Variants in AFAP1L2 observed in about 807,000 individuals in gnomAD.
AFAP1L2 encodes actin filament-associated protein 1-like 2.
A neutral mutation model predicts 99.3 loss-of-function variants in AFAP1L2; 46 were observed. The ratio of observed to expected loss-of-function variants is 0.46; its 90% CI spans 0.37 to 0.59. The LOEUF (loss-of-function observed/expected upper bound fraction) is 0.59. Ranked by LOEUF, AFAP1L2 falls within the 20% of genes least tolerant of loss-of-function variation. The pLI is 0.00. For synonymous variants in AFAP1L2, 397 were observed against 419.1 expected (o/e 0.95, Z 0.64); for missense variants, 959 against 1,034.9 (o/e 0.93, Z 1.01).
At chr10:114,322,553 A>G (rs2135194847) in intron 5 of AFAP1L2, among the ~76,000 whole-genome samples, 1 of 152,310 alleles carries the variant, frequency 6.6e-6, no homozygotes, top group Admixed American at 6.5e-5. Flanking sequence ...TCATGCTATC[A>G]GAGAAGCCTT....
chr10:114,306,240 C>T (rs1306405476), intron 10 of AFAP1L2, among the ~76,000 whole-genome samples: 4 of 43,462 alleles, frequency 9.2e-5, no homozygotes, highest in Admixed American at 3.3e-4. Flanking sequence ...AGGGGGTGCA[C>T]GTACAGGACT....
chr10:114,344,031 G>A (rs762000537), intron 1 of AFAP1L2, among the ~76,000 whole-genome samples: 18 of 152,228 alleles, frequency 1.2e-4, no homozygotes, highest in Non-Finnish European at 2.4e-4. Flanking sequence ...CTGAGATAAA[G>A]TGAGGAGGGA....
Position 114,316,257 on chromosome 10 carries a change from T to C in AFAP1L2, c.407-492A>G, listed in dbSNP as rs930633634. ...ATCCGTGCTCCACCTGAGCTGTATG[T>C]GAGGCAGGCCTCTGATGGCCGCTGG... On this transcript the variant is annotated intron_variant, in intron 5 of 18. Transcript: ENST00000304129. 2.6e-5 allele frequency among the ~76,000 whole-genome samples: 4 copies of C among 152,344 alleles called. No individual in the cohort carries two copies. In the South Asian group the frequency reaches 8.3e-4, roughly 32 times the overall value.
At chr10:114,328,099 G>A (rs892710962) in intron 4 of AFAP1L2, among the ~76,000 whole-genome samples, 1 of 152,196 alleles carries the variant, frequency 6.6e-6, no homozygotes, top group African/African-American at 2.4e-5. Flanking sequence ...CTCCTGCAAG[G>A]ACCACGGCAC....
At chr10:114,386,997 C>T (rs1178166877) in intron 1 of AFAP1L2, among the ~76,000 whole-genome samples, 1 of 152,224 alleles carries the variant, frequency 6.6e-6, no homozygotes, top group Non-Finnish European at 1.5e-5. Context: ...TCCAAGTGAT[C>T]CTGTATCTAA....
intron 1 of AFAP1L2, among the ~76,000 whole-genome samples, chr10:114,399,400 G>A (rs985685177): frequency 1.3e-5 from 2 of 152,186 alleles, no homozygotes; most frequent in African/African-American, 4.8e-5. Flanking sequence ...GTTTAACTGA[G>A]CAGGTAGTCC....
At chr10:114,362,380 T>A (rs566665216) in intron 1 of AFAP1L2, among the ~76,000 whole-genome samples, 1 of 152,270 alleles carries the variant, frequency 6.6e-6, no homozygotes, top group East Asian at 1.9e-4. Context: ...ATCCTGGGTT[T>A]AGGGAGGGCT....
chr10:114,291,779 G>A (rs920238344), downstream of AFAP1L2, among the ~76,000 whole-genome samples: 1 of 152,220 alleles, frequency 6.6e-6, no homozygotes, highest in Non-Finnish European at 1.5e-5. Context: ...AGTCTGAAAG[G>A]GGGCTTGAGG....
intron 5 of AFAP1L2, among the ~76,000 whole-genome samples, chr10:114,321,341 G>A (rs1024231200): frequency 2.0e-5 from 3 of 151,962 alleles, no homozygotes; most frequent in Non-Finnish European, 2.9e-5. Context: ...CCACTTATAA[G>A]TGAGAACATA....
chr10:114,300,710 T>C lies in AFAP1L2; in HGVS notation c.1543-20A>G, dbSNP rs200489117. On this transcript the variant is annotated intron_variant, in intron 13 of 18. Coordinates refer to ENST00000304129, the MANE Select transcript of AFAP1L2 (RefSeq NM_001001936.3). ...CTCCACCTGCAGGAGAGAGTGAGTC[T>C]GGGGCATTCAACATTACCTCTACTC... 3.8e-6 allele frequency: 6 copies of C among 1,564,906 alleles called. No individual in the cohort carries two copies. In the African/African-American group the frequency reaches 6.8e-5, roughly 18 times the overall value.
intron 1 of AFAP1L2, among the ~76,000 whole-genome samples, chr10:114,385,296 CAG>C (rs556110397): frequency 1.1e-3 from 168 of 152,308 alleles, no homozygotes; most frequent in African/African-American, 3.9e-3. Context: ...GAGACAGCCA[CAG>C]AGTCCCAAGC....
At chr10:114,382,596 T>TTG (rs796266127) in intron 1 of AFAP1L2, among the ~76,000 whole-genome samples, 4 of 145,736 alleles carry the variant, frequency 2.7e-5, no homozygotes, top group African/African-American at 1.0e-4. Context: ...CTCTTTTTTT[T>TTG]TTTTTTTTTT....
chr10:114,337,306 A>G (rs1242888326), intron 2 of AFAP1L2, among the ~76,000 whole-genome samples: 1 of 152,268 alleles, frequency 6.6e-6, no homozygotes, highest in East Asian at 1.9e-4. Context: ...TTTGGGATAA[A>G]GGATGAATGA....
intron 1 of AFAP1L2, among the ~76,000 whole-genome samples, chr10:114,362,526 G>T (rs961298455): frequency 2.6e-5 from 4 of 152,186 alleles, no homozygotes; most frequent in Non-Finnish European, 4.4e-5. Flanking sequence ...ACTCCCAAAA[G>T]CTAGAAGAGG....
In AFAP1L2 at chr10:114,399,008, CT is replaced by C. The variant is rs1022482542; in HGVS notation, c.16+5431del. On this transcript the variant is annotated intron_variant, in intron 1 of 18. Coordinates refer to ENST00000304129, the MANE Select transcript of AFAP1L2 (RefSeq NM_001001936.3). ...CTGCCTTTGAGATTTTGCTTCATTT[CT>C]TTTTGTGAACCAGGTCTGTTCTCCA... The C allele has an allele frequency of 9.1e-6, 9 of 989,684 alleles. No homozygotes were observed. In the Admixed American group the frequency reaches 1.9e-4, roughly 21 times the overall value. 61.3% of individuals were successfully genotyped at this position (989,684 alleles called of 1,614,324 possible).
intron 1 of AFAP1L2, among the ~76,000 whole-genome samples, chr10:114,394,263 G>A (rs1480450121): frequency 6.6e-6 from 1 of 152,180 alleles, no homozygotes; most frequent in Non-Finnish European, 1.5e-5. Flanking sequence ...GAAGCAGCAG[G>A]GGCCACAGTG....
At chr10:114,331,681 G>A in intron 4 of AFAP1L2, 122 bp downstream of exon 4, 1 of 662,542 alleles carries the variant, frequency 1.5e-6, no homozygotes, top group Non-Finnish European at 2.2e-6. Flanking sequence ...CCTTGTCCCA[G>A]TCCCTGAACA....
chr10:114,344,991 G>A (rs1001864259), intron 1 of AFAP1L2, among the ~76,000 whole-genome samples: 1 of 151,952 alleles, frequency 6.6e-6, no homozygotes, highest in Non-Finnish European at 1.5e-5. Context: ...CAGCTACCCG[G>A]GGGGCTGAGG....
At chr10:114,291,082 C>G, downstream of AFAP1L2, 9 of 1,034,148 alleles carry the variant, frequency 8.7e-6, no homozygotes, top group Non-Finnish European at 1.3e-5. Flanking sequence ...CATGGGGTCT[C>G]TAATCTGGCA....
Sources: gnomAD v4.1 joint callset for allele counts (sites outside exome capture counted in the v4.1 genomes callset) on GRCh38, gnomAD v4.1.1 for gene constraint, MANE v1.5 for transcripts, NCBI Gene and HGNC (gene_info 2026-07-23, HGNC 2026-07-21) for gene names.